The following CDC16 variants were observed in gnomAD, a reference collection of about 807,000 sequenced individuals.
CDC16 encodes the protein cell division cycle protein 16 homolog.
CDC16 carries 34 observed loss-of-function variants against 87.0 expected under a neutral mutation model. The ratio of observed to expected loss-of-function variants is 0.39; its 90% CI spans 0.30 to 0.52. The LOEUF (loss-of-function observed/expected upper bound fraction) is 0.52, where lower values mean the gene tolerates loss of function less well. Among genes scored for constraint, CDC16 ranks in the 20% least tolerant of loss-of-function variants. The pLI is 0.74. For missense variants in CDC16, 653 were observed against 751.9 expected, an observed-to-expected ratio of 0.87 and a Z score of 1.54; for synonymous variants, 263 against 260.6, an observed-to-expected ratio of 1.01 and a Z score of -0.09.
intron 7 of CDC16, 94 bp downstream of exon 7, chr13:114,243,442 A>G (rs2081664673): frequency 4.5e-6 from 3 of 664,980 alleles, no homozygotes; most frequent in Non-Finnish European, 8.1e-6. Context: ...TCAAAATTAA[A>G]ACTTTTTAAA....
At chr13:114,251,658 G>C (rs944325367) in intron 12 of CDC16, among the ~76,000 whole-genome samples, 1 of 152,144 alleles carries the variant, frequency 6.6e-6, no homozygotes, top group African/African-American at 2.4e-5. Flanking sequence ...TTAGTCAGTA[G>C]GGCTGCCATA....
chr13:114,266,814 G>C (rs1480062428), intron 17 of CDC16, among the ~76,000 whole-genome samples: 2 of 151,904 alleles, frequency 1.3e-5, no homozygotes, highest in Non-Finnish European at 1.5e-5. Context: ...TCCTGCCTCA[G>C]CCTCCTGAGT....
chr13:114,243,932 T>C lies in CDC16; in HGVS notation c.710T>C (p.Leu237Ser), dbSNP rs1243232428. Reference protein sequence around the residue: ...LQENLDVVVSLAERHYYNCDF... With the variant: ...LQENLDVVVSSAERHYYNCDF... ...GAGAATCTGGATGTGGTAGTGTCTT[T>C]AGCTGAGAGACATTATTATAACTGT... The change falls in exon 8 of 18, where the codon TTA (leucine) becomes TCA (serine). Residue 237 changes from leucine (L) to serine (S), a missense_variant. Leu to Ser is a moderately radical substitution (Grantham distance 145, BLOSUM62 -2). Transcript: ENST00000356221. The C allele has an allele frequency of 2.5e-6, 4 of 1,605,712 alleles. No individual in the cohort carries two copies. Among genetic ancestry groups the C allele is most frequent in the Non-Finnish European group, 3.4e-6 (4 of 1,172,584 alleles).
chr13:114,249,470 C>T (rs2082046703), intron 11 of CDC16, among the ~76,000 whole-genome samples: 2 of 152,038 alleles, frequency 1.3e-5, no homozygotes, highest in Non-Finnish European at 1.5e-5. Flanking sequence ...GGGTTGGGAC[C>T]CCTGCTCTAC....
rs781420322 is a variant in CDC16 at position 114,261,869 on chromosome 13, G to C, written c.1315-18G>C. 3.8e-6 allele frequency: 6 copies of C among 1,575,990 alleles called. No homozygotes were observed. The South Asian group carries it at 5.8e-5, about 15-fold the overall frequency. On this transcript the variant is annotated intron_variant, in intron 14 of 17. Transcript: ENST00000356221. ...AGTGACATATATAACTCGTGGGCTT[G>C]ATGTTGCTATGTTTTAGGTAACAGT...
At chr13:114,245,411 T>C (rs2081812962) in intron 9 of CDC16, among the ~76,000 whole-genome samples, 1 of 152,110 alleles carries the variant, frequency 6.6e-6, no homozygotes, top group Non-Finnish European at 1.5e-5. Flanking sequence ...GGGGATGCAT[T>C]TGTCCTTAAA....
Position 114,239,457 on chromosome 13 carries a change from TC to T in CDC16, c.350del (p.Pro117LeufsTer12), listed in dbSNP as rs777377004. 1.9e-6 allele frequency: 3 copies of T among 1,612,882 alleles called. No homozygotes were observed. Reference sequence around the variant, plus strand: ...TGAAGGACGAAAGTGGCTTCAAAGATCCTTCCAGCGACTGGGAAATGTCACA... The same window carrying T: ...TGAAGGACGAAAGTGGCTTCAAAGATCTTCCAGCGACTGGGAAATGTCACA... ...YLKDESGFKD[P>X]SSDWEMSQSS... On this transcript the variant is annotated frameshift_variant, in exon 5 of 18. Transcript: ENST00000356221. LOFTEE classifies it high-confidence loss of function.
At chr13:114,242,929 C>T (rs144459976) in intron 6 of CDC16, among the ~76,000 whole-genome samples, 137 of 152,230 alleles carry the variant, frequency 9.0e-4, no homozygotes, top group African/African-American at 3.1e-3. Flanking sequence ...GCCAGAGGTC[C>T]TGCTTAGCAC....
Position 114,243,914 on chromosome 13 carries a change from T to G in CDC16, c.692T>G (p.Leu231Arg). Residue 231 changes from leucine (L) to arginine (R), a missense_variant, in exon 8 of 18, where the codon CTG (leucine) becomes CGG (arginine). Transcript: ENST00000356221. Reference protein sequence around the residue: ...PESVDGLQENLDVVVSLAERH... With the variant: ...PESVDGLQENRDVVVSLAERH... The stretch of plus-strand genomic sequence containing the variant: ...TCTGTAGATGGCTTGCAAGAGAATC[T>G]GGATGTGGTAGTGTCTTTAGCTGAG... 1.2e-6 allele frequency: 2 copies of G among 1,605,836 alleles called. No individual in the cohort carries two copies. Among genetic ancestry groups the G allele is most frequent in the South Asian group, 1.1e-5 (1 of 90,872 alleles).
At chr13:114,255,626 G>A (rs1462637950) in intron 12 of CDC16, among the ~76,000 whole-genome samples, 1 of 151,922 alleles carries the variant, frequency 6.6e-6, no homozygotes, top group East Asian at 1.9e-4. Context: ...GACACTTCTG[G>A]TCTCAAGCAT....
At chr13:114,247,061 A>G (rs1026173981) in intron 11 of CDC16, 57 bp downstream of exon 11, 2 of 1,068,082 alleles carry the variant, frequency 1.9e-6, no homozygotes, top group Non-Finnish European at 2.9e-6. Context: ...TCTTGCTCAT[A>G]AGCTTTCAAG....
intron 17 of CDC16, among the ~76,000 whole-genome samples, chr13:114,269,980 A>G (rs1324863003): frequency 6.6e-6 from 1 of 152,262 alleles, no homozygotes; most frequent in Admixed American, 6.5e-5. Context: ...TGCTGGGATT[A>G]TAGGCGTGAG....
intron 12 of CDC16, among the ~76,000 whole-genome samples, chr13:114,251,895 C>A (rs1394018931): frequency 1.3e-5 from 2 of 152,186 alleles, no homozygotes; most frequent in African/African-American, 4.8e-5. Flanking sequence ...CTTACACGAA[C>A]CCTATTGGAT....
In CDC16 at chr13:114,238,972, A is replaced by G. The variant is rs1240073089; in HGVS notation, c.202-18A>G. The stretch of plus-strand genomic sequence containing the variant: ...TATTATTTTGACCACTACTTAAACA[A>G]ATTAATTTCTTTCCTAGTTGTATGA... On this transcript the variant is annotated intron_variant, in intron 3 of 17. Coordinates refer to ENST00000356221, the MANE Select transcript of CDC16 (RefSeq NM_001078645.3). 6.2e-7 allele frequency: 1 copy of G among 1,607,652 alleles called. No homozygotes were observed. Among genetic ancestry groups the G allele is most frequent in the South Asian group, 1.1e-5 (1 of 90,186 alleles).
At chr13:114,242,322 T>C in intron 6 of CDC16, 42 bp downstream of exon 6, 3 of 1,577,446 alleles carry the variant, frequency 1.9e-6, no homozygotes, top group Non-Finnish European at 2.6e-6. Flanking sequence ...TTAGCAAAAT[T>C]AATATTGTTT....
At chr13:114,245,315 A>T (rs2081807451) in intron 9 of CDC16, among the ~76,000 whole-genome samples, 1 of 144,344 alleles carries the variant, frequency 6.9e-6, no homozygotes, top group African/African-American at 2.6e-5. Flanking sequence ...ATATGGTAAG[A>T]GTTGATAACT....
chr13:114,257,662 G>A (rs2082589748), intron 13 of CDC16, among the ~76,000 whole-genome samples: 1 of 152,098 alleles, frequency 6.6e-6, no homozygotes, highest in Non-Finnish European at 1.5e-5. Context: ...AGGCTTTACT[G>A]TACTCTAGAA....
At chr13:114,268,763 C>G (rs1308602862) in intron 17 of CDC16, among the ~76,000 whole-genome samples, 2 of 152,074 alleles carry the variant, frequency 1.3e-5, no homozygotes, top group Non-Finnish European at 2.9e-5. Context: ...AAAGCTGCAG[C>G]GATCACGCCA....
intron 3 of CDC16, among the ~76,000 whole-genome samples, chr13:114,237,807 G>C (rs891928253): frequency 2.0e-5 from 3 of 151,976 alleles, no homozygotes; most frequent in Non-Finnish European, 4.4e-5. Flanking sequence ...CTTTTCCCCA[G>C]TAACAGTTTC....
Sources: allele counts gnomAD v4.1 joint callset (sites outside exome capture counted in the v4.1 genomes callset), GRCh38; gene constraint gnomAD v4.1.1; transcripts MANE v1.5; gene names NCBI Gene and HGNC (gene_info 2026-07-23, HGNC 2026-07-21).